The following DNAH11 variants were observed in gnomAD, a reference collection of about 807,000 sequenced individuals.
The protein encoded by DNAH11 is dynein axonemal heavy chain 11, also known as axonemal beta dynein heavy chain 11.
DNAH11 carries 442 observed loss-of-function variants against 526.0 expected under a neutral mutation model. The ratio of observed to expected loss-of-function variants is 0.84; its 90% CI spans 0.78 to 0.91. The LOEUF (loss-of-function observed/expected upper bound fraction) is 0.91, where lower values mean the gene tolerates loss of function less well. Ranked by LOEUF, DNAH11 falls within the 40% of genes least tolerant of loss-of-function variation. The probability of loss-of-function intolerance (pLI) is 0.00; values close to 1 mark genes in which losing one functional copy is unlikely to be tolerated. For missense variants in DNAH11, 6,989 were observed against 5,448.7 expected (o/e 1.28, Z -8.90); for synonymous variants, 2,461 against 1,935.9 (o/e 1.27, Z -7.12).
intron 42 of DNAH11, among the ~76,000 whole-genome samples, chr7:21,712,957 A>C (rs1258726266): frequency 6.6e-6 from 1 of 152,204 alleles, no homozygotes; most frequent in Non-Finnish European, 1.5e-5. Flanking sequence ...GTGAATAAAC[A>C]ATGAAAGCTT....
rs1450410557 is a variant in DNAH11 at position 21,588,088 on chromosome 7, C to G, written c.1735C>G (p.Leu579Val). Residue 579 changes from leucine (L) to valine (V), a missense_variant, in exon 10 of 82, where the codon CTA (leucine) becomes GTA (valine). Coordinates refer to ENST00000409508, the MANE Select transcript of DNAH11 (RefSeq NM_001277115.2). Reference protein sequence around the residue: ...FKLLTIFGNFLEKPVVMEIFS... With the variant: ...FKLLTIFGNFVEKPVVMEIFS... ...GCTTTTGACCATATTTGGAAATTTT[C>G]TAGAGAAGCCAGTTGTCATGGAAAT... The G allele has an allele frequency of 6.2e-7, 1 of 1,613,090 alleles. No individual in the cohort carries two copies. The highest frequency in any genetic ancestry group is 1.1e-5 in the South Asian group (1 of 90,994).
At chr7:21,860,076 G>T (rs1230731699) in intron 68 of DNAH11, among the ~76,000 whole-genome samples, 1 of 152,192 alleles carries the variant, frequency 6.6e-6, no homozygotes, top group Non-Finnish European at 1.5e-5. Context: ...AAGAGGCTGA[G>T]GTGGGAGGGT....
chr7:21,547,428 A>G (rs552649553), intron 2 of DNAH11, among the ~76,000 whole-genome samples: 6 of 152,346 alleles, frequency 3.9e-5, no homozygotes, highest in African/African-American at 1.2e-4. Flanking sequence ...TTTAGTAGGC[A>G]GGCACACCCG....
chr7:21,563,368 C>G (rs1284633461), intron 5 of DNAH11, among the ~76,000 whole-genome samples: 3 of 151,804 alleles, frequency 2.0e-5, no homozygotes, highest in Non-Finnish European at 4.4e-5. Context: ...GCTACCATGC[C>G]CAGCTAATTT....
At chr7:21,656,979 C>T (rs777447928) in intron 29 of DNAH11, among the ~76,000 whole-genome samples, 3 of 152,160 alleles carry the variant, frequency 2.0e-5, no homozygotes, top group Non-Finnish European at 2.9e-5. Flanking sequence ...GCAAACTGCT[C>T]ACCGACTGGC....
At chr7:21,799,631 C>T (rs186969166) in intron 61 of DNAH11, among the ~76,000 whole-genome samples, 88 of 152,230 alleles carry the variant, frequency 5.8e-4, no homozygotes, top group Non-Finnish European at 7.9e-4. Flanking sequence ...CCACCGCACC[C>T]GGCCATATTT....
chr7:21,889,115 C>T (rs1182131932), intron 76 of DNAH11, among the ~76,000 whole-genome samples: 3 of 151,894 alleles, frequency 2.0e-5, no homozygotes, highest in Middle Eastern at 3.4e-3. Context: ...TTTTCTGTCT[C>T]TATAGATTTG....
chr7:21,794,328 T>A (rs1428758783), intron 61 of DNAH11, among the ~76,000 whole-genome samples: 1 of 152,210 alleles, frequency 6.6e-6, no homozygotes, highest in Non-Finnish European at 1.5e-5. Context: ...TCTATGGCTT[T>A]ACATTGAAGG....
chr7:21,615,732 A>G (rs1785743925), intron 21 of DNAH11, among the ~76,000 whole-genome samples: 1 of 152,120 alleles, frequency 6.6e-6, no homozygotes, highest in African/African-American at 2.4e-5. Flanking sequence ...GGAATGAGGC[A>G]TATTGCAACA....
intron 70 of DNAH11, among the ~76,000 whole-genome samples, chr7:21,864,930 A>G (rs1246387733): frequency 6.6e-6 from 1 of 152,258 alleles, no homozygotes; most frequent in East Asian, 1.9e-4. Flanking sequence ...GCCAAGTGAT[A>G]CAAATGAATA....
At chr7:21,659,591 C>G (rs924590370) in intron 30 of DNAH11, among the ~76,000 whole-genome samples, 2 of 151,978 alleles carry the variant, frequency 1.3e-5, no homozygotes, top group Non-Finnish European at 2.9e-5. Context: ...CTTATAGAAT[C>G]AGAGTATATT....
chr7:21,657,699 G>A (rs1317494581), intron 29 of DNAH11, among the ~76,000 whole-genome samples: 2 of 152,130 alleles, frequency 1.3e-5, no homozygotes, highest in Non-Finnish European at 2.9e-5. Context: ...GACCCCATTG[G>A]TTAGATCAGA....
At chr7:21,659,830 T>C (rs1782171713) in intron 30 of DNAH11, among the ~76,000 whole-genome samples, 1 of 152,134 alleles carries the variant, frequency 6.6e-6, no homozygotes, top group African/African-American at 2.4e-5. Flanking sequence ...GAGAATCAAA[T>C]AGATTTAGAT....
chr7:21,622,673 A>G (rs981176956), intron 25 of DNAH11, among the ~76,000 whole-genome samples: 1 of 152,170 alleles, frequency 6.6e-6, no homozygotes. Flanking sequence ...ACATATCTAC[A>G]ACTATCTGAT....
At chr7:21,600,955 T>G (rs1225149080) in intron 16 of DNAH11, 25 bp downstream of exon 16, 2 of 1,611,960 alleles carry the variant, frequency 1.2e-6, no homozygotes, top group South Asian at 2.2e-5. Flanking sequence ...TAGCATTTAA[T>G]GTAGTGAAAT....
At chr7:21,712,208 AG>A (rs1784490140) in intron 42 of DNAH11, among the ~76,000 whole-genome samples, 2 of 152,198 alleles carry the variant, frequency 1.3e-5, no homozygotes, top group African/African-American at 4.8e-5. Context: ...AGCATATTGT[AG>A]TATTTCCTTT....
At chr7:21,867,771 G>A (rs1783337020) in intron 71 of DNAH11, 88 bp from the exon 72 acceptor site, 1 of 1,239,256 alleles carries the variant, frequency 8.1e-7, no homozygotes, top group East Asian at 2.5e-5. Flanking sequence ...CTTCTATCGT[G>A]TGCCTGTGTG....
intron 25 of DNAH11, among the ~76,000 whole-genome samples, chr7:21,635,054 C>G (rs755033957): frequency 8.6e-5 from 13 of 152,004 alleles, no homozygotes; most frequent in African/African-American, 1.9e-4. Flanking sequence ...AAAACAAGCA[C>G]TGGTGATAGG....
chr7:21,566,376 C>T (rs1158367757), intron 6 of DNAH11, among the ~76,000 whole-genome samples: 2 of 152,042 alleles, frequency 1.3e-5, no homozygotes, highest in African/African-American at 4.8e-5. Flanking sequence ...TAAATATGCC[C>T]AACATGTTAG....
Sources: gnomAD v4.1 joint callset for allele counts (sites outside exome capture counted in the v4.1 genomes callset) on GRCh38, gnomAD v4.1.1 for gene constraint, MANE v1.5 for transcripts, NCBI Gene and HGNC (gene_info 2026-07-23, HGNC 2026-07-21) for gene names.